The following SYNPO variants were observed in gnomAD, a reference collection of about 807,000 sequenced individuals.
SYNPO encodes synaptopodin.
A neutral mutation model predicts 49.5 loss-of-function variants in SYNPO; 19 were observed. That is an observed-to-expected ratio of 0.38 (90% CI 0.27 to 0.56). The LOEUF (loss-of-function observed/expected upper bound fraction) is 0.56. Among genes scored for constraint, SYNPO ranks in the 20% least tolerant of loss-of-function variants. SYNPO has a pLI of 0.68. For synonymous variants in SYNPO, 536 were observed against 548.0 expected, an observed-to-expected ratio of 0.98 and a Z score of 0.31; for missense variants, 1,131 against 1,248.3, an observed-to-expected ratio of 0.91 and a Z score of 1.42.
At chr5:150,618,394 G>A (rs933011321) in exon 2 of SYNPO, 110 of 1,550,980 alleles carry the variant, frequency 7.1e-5, no homozygotes, top group South Asian at 8.3e-5. Context: ...TCCCACCTCC[G>A]CCCCTTGCAC....
chr5:150,626,934 C>T (rs1757376923), intron 2 of SYNPO, among the ~76,000 whole-genome samples: 1 of 152,154 alleles, frequency 6.6e-6, no homozygotes, highest in South Asian at 2.1e-4. Flanking sequence ...CATCTTCTCT[C>T]CACCCCTAGT....
chr5:150,621,625 G>A (rs10515641), intron 2 of SYNPO, among the ~76,000 whole-genome samples: 24,569 of 152,156 alleles, frequency 0.16, 2,531 homozygotes, highest in Non-Finnish European at 0.23. Context: ...CCATCCTTCC[G>A]CAATTGTACC....
At chr5:150,591,588 T>C in the SYNPO span, among the ~76,000 whole-genome samples, 1 of 151,706 alleles carries the variant, frequency 6.6e-6, no homozygotes, top group African/African-American at 2.4e-5. Flanking sequence ...ACCTGTGATG[T>C]TACTTACGTA....
chr5:150,657,468 A>ACACACT lies in SYNPO; in HGVS notation c.*386_*387insTCACAC, dbSNP rs1230379989. The ACACACT allele has an allele frequency of 2.4e-5, 5 of 210,854 alleles. No individual in the cohort carries two copies. The highest frequency in any genetic ancestry group is 4.7e-5 in the Non-Finnish European group (5 of 106,754). 13.1% of individuals were successfully genotyped at this position (210,854 alleles called of 1,614,324 possible). ...CACACACACACACACACACACACAC[A>ACACACT]CACACACACTAGTTAGTGCCTTGGA... On this transcript the variant is annotated 3_prime_UTR_variant, in exon 3 of 3. Coordinates refer to ENST00000307662, the MANE Select transcript of SYNPO (RefSeq NM_007286.6).
In SYNPO at chr5:150,649,572, G is replaced by A; in HGVS notation, c.1297G>A (p.Glu433Lys). The part of the protein sequence containing the change: ...LGAEASNFQQ[E>K]PAPRDRASPA... ...GGCCGAGGCCTCCAACTTCCAGCAGGAGCCAGCACCTCGTGACAGGGCCAG... is the reference window on the plus strand; with the variant it reads ...GGCCGAGGCCTCCAACTTCCAGCAGAAGCCAGCACCTCGTGACAGGGCCAG... The change falls in exon 2 of 3, where the codon GAG (glutamate) becomes AAG (lysine). Residue 433 changes from glutamate to lysine, a missense_variant. Physicochemically the swap from Glu to Lys is moderately conservative, Grantham distance 56. Transcript: ENST00000307662. 6.2e-7 allele frequency: 1 copy of A among 1,610,476 alleles called. No homozygotes were observed. The highest frequency in any genetic ancestry group is 8.5e-7 in the Non-Finnish European group (1 of 1,178,582).
chr5:150,621,547 T>C (rs1757174076), intron 2 of SYNPO, among the ~76,000 whole-genome samples: 1 of 152,134 alleles, frequency 6.6e-6, no homozygotes, highest in Non-Finnish European at 1.5e-5. Context: ...ATTAGCGGAT[T>C]AGGGCTTCAT....
intron 1 of SYNPO, among the ~76,000 whole-genome samples, chr5:150,645,832 T>G (rs976385126): frequency 6.6e-6 from 1 of 150,646 alleles, no homozygotes; most frequent in Non-Finnish European, 1.5e-5. Flanking sequence ...CTTGTGCAGA[T>G]AAAATAAAAG....
chr5:150,587,100 A>T, the SYNPO span, among the ~76,000 whole-genome samples: 3 of 152,098 alleles, frequency 2.0e-5, no homozygotes, highest in Non-Finnish European at 1.5e-5. Context: ...ATATGGATAC[A>T]TGGATGTATA....
Position 150,657,142 on chromosome 5 carries a change from A to C in SYNPO, c.*55A>C. ...GCAGAGCCAGAAGAAGGCTCATTAGACCTGGGGGACCCAAAGGGTCTGGCC... is the reference window on the plus strand; with the variant it reads ...GCAGAGCCAGAAGAAGGCTCATTAGCCCTGGGGGACCCAAAGGGTCTGGCC... On this transcript the variant is annotated 3_prime_UTR_variant, in exon 3 of 3. Transcript: ENST00000307662. 1 of 1,489,510 alleles carries C rather than the reference A, an allele frequency of 6.7e-7. No homozygotes were observed. The highest frequency in any genetic ancestry group is 1.3e-5 in the South Asian group (1 of 79,920). 92.3% of individuals were successfully genotyped at this position (1,489,510 alleles called of 1,614,324 possible). A position where few individuals can be genotyped will look rare whatever the true frequency, so the allele number is the denominator to read the frequency against.
chr5:150,627,443 G>C (rs1258709529), intron 2 of SYNPO, among the ~76,000 whole-genome samples: 1 of 152,202 alleles, frequency 6.6e-6, no homozygotes, highest in Non-Finnish European at 1.5e-5. Context: ...CACTGTCCCT[G>C]GCTAGCAATG....
the SYNPO span, among the ~76,000 whole-genome samples, chr5:150,590,112 T>G: frequency 2.0e-5 from 3 of 152,246 alleles, no homozygotes; most frequent in Non-Finnish European, 4.4e-5. Context: ...AGTGTCATCC[T>G]CATGTTTCCT....
chr5:150,590,197 C>A, the SYNPO span, among the ~76,000 whole-genome samples: 6 of 152,242 alleles, frequency 3.9e-5, no homozygotes, highest in Non-Finnish European at 8.8e-5. Context: ...CTGCCTCTGC[C>A]TTGGGGAGAA....
intron 1 of SYNPO, among the ~76,000 whole-genome samples, chr5:150,641,369 C>G (rs997694556): frequency 6.6e-6 from 1 of 152,228 alleles, no homozygotes; most frequent in African/African-American, 2.4e-5. Context: ...GTCGCCAAGA[C>G]CCCTGGACTA....
At chr5:150,601,585 G>A (rs1232598831) in intron 1 of SYNPO, among the ~76,000 whole-genome samples, 1 of 152,322 alleles carries the variant, frequency 6.6e-6, no homozygotes, top group African/African-American at 2.4e-5. Flanking sequence ...ATGAATGAGC[G>A]TGTGTGCACA....
intron 1 of SYNPO, among the ~76,000 whole-genome samples, chr5:150,609,627 AC>A (rs1200627835): frequency 2.0e-5 from 3 of 152,022 alleles, no homozygotes; most frequent in African/African-American, 4.8e-5. Flanking sequence ...TAGTCCTTGA[AC>A]CCTTTCTGCA....
intron 1 of SYNPO, among the ~76,000 whole-genome samples, chr5:150,602,572 G>A (rs1209752312): frequency 6.6e-6 from 1 of 152,056 alleles, no homozygotes; most frequent in African/African-American, 2.4e-5. Context: ...TTTTGGCAAT[G>A]GGCTGTCATT....
At chr5:150,650,874 T>C in intron 2 of SYNPO, 3 of 1,258,754 alleles carry the variant, frequency 2.4e-6, no homozygotes, top group Non-Finnish European at 1.0e-6. Flanking sequence ...TGCCTCTGCC[T>C]TCTGGACACC....
At chr5:150,651,465 C>T in intron 2 of SYNPO, 4 of 1,000,616 alleles carry the variant, frequency 4.0e-6, no homozygotes, top group Non-Finnish European at 4.8e-6. Flanking sequence ...ACAAGACAGT[C>T]CCCTGGGAAG....
At chr5:150,625,319 G>A (rs1463286248) in intron 2 of SYNPO, among the ~76,000 whole-genome samples, 1 of 138,516 alleles carries the variant, frequency 7.2e-6, no homozygotes, top group Non-Finnish European at 1.5e-5. Flanking sequence ...GGATAACCCA[G>A]GCGGGTTGGG....
Sources: gnomAD v4.1 joint callset for allele counts (sites outside exome capture counted in the v4.1 genomes callset) on GRCh38, gnomAD v4.1.1 for gene constraint, MANE v1.5 for transcripts, NCBI Gene and HGNC (gene_info 2026-07-23, HGNC 2026-07-21) for gene names.